INPP5A: variants seen among roughly 807,000 people sequenced by gnomAD.
INPP5A encodes the protein inositol polyphosphate-5-phosphatase A.
Under a neutral mutation model 65.2 loss-of-function variants are expected in INPP5A, and 14 were observed. The observed-to-expected ratio is 0.21, with a 90% CI of 0.14 to 0.34. The LOEUF (loss-of-function observed/expected upper bound fraction) is 0.34, where lower values mean the gene tolerates loss of function less well. INPP5A is among the 10% of genes least tolerant of loss of function. The probability of loss-of-function intolerance (pLI) is 1.00; values close to 1 mark genes in which losing one functional copy is unlikely to be tolerated. For missense variants in INPP5A, 431 were observed against 545.6 expected (o/e 0.79, Z 2.09); for synonymous variants, 207 against 208.3 (o/e 0.99, Z 0.05).
chr10:132,680,623 C>T (rs1199109577), intron 4 of INPP5A, among the ~76,000 whole-genome samples: 1 of 152,244 alleles, frequency 6.6e-6, no homozygotes, highest in Non-Finnish European at 1.5e-5. Context: ...CTGGCCAAGG[C>T]CAGAGCCGAC....
At chr10:132,638,297 C>G (rs1279404336) in intron 2 of INPP5A, among the ~76,000 whole-genome samples, 1 of 152,216 alleles carries the variant, frequency 6.6e-6, no homozygotes, top group Admixed American at 6.5e-5. Context: ...CAAGTCTCGC[C>G]TTGTGTTCCA....
chr10:132,581,333 TGA>T (rs1300132183), intron 1 of INPP5A, among the ~76,000 whole-genome samples: 1 of 152,240 alleles, frequency 6.6e-6, no homozygotes, highest in African/African-American at 2.4e-5. Flanking sequence ...TTAATTATGA[TGA>T]GCAAAGACTC....
At chr10:132,666,145 AC>A (rs2072798916) in intron 4 of INPP5A, among the ~76,000 whole-genome samples, 1 of 146,656 alleles carries the variant, frequency 6.8e-6, no homozygotes, top group Admixed American at 6.9e-5. Flanking sequence ...CCTGGCCTTT[AC>A]TCAGCGCTTC....
intron 1 of INPP5A, among the ~76,000 whole-genome samples, chr10:132,557,304 G>A (rs2071139557): frequency 6.6e-6 from 1 of 152,248 alleles, no homozygotes; most frequent in African/African-American, 2.4e-5. Context: ...TAGGCCACGG[G>A]TCACAGTGCT....
chr10:132,568,633 C>T (rs1197152135), intron 1 of INPP5A, among the ~76,000 whole-genome samples: 5 of 151,862 alleles, frequency 3.3e-5, no homozygotes, highest in South Asian at 2.1e-4. Flanking sequence ...GTTGGGCACC[C>T]GTAATATCAG....
chr10:132,712,719 G>A (rs1322079488), intron 8 of INPP5A, among the ~76,000 whole-genome samples: 1 of 149,268 alleles, frequency 6.7e-6, no homozygotes, highest in Non-Finnish European at 1.5e-5. Context: ...TGTGAGTGCA[G>A]GTGTATGCAT....
At chr10:132,702,805 C>T (rs1845457823) in intron 6 of INPP5A, among the ~76,000 whole-genome samples, 1 of 152,236 alleles carries the variant, frequency 6.6e-6, no homozygotes. Flanking sequence ...AGGACTGAGA[C>T]CCATGGGCTG....
At position 132,678,930 on chromosome 10, in the gene INPP5A, C is replaced by T. The variant is rs917544063; in HGVS notation, c.307-11462C>T. 3.3e-5 allele frequency among the ~76,000 whole-genome samples: 5 copies of T among 152,168 alleles called. No homozygotes were observed. The highest frequency in any genetic ancestry group is 6.5e-5 in the Admixed American group (1 of 15,280). ...CAGAGGTACCCTCCTGACAGAAGGGCGCAGCCTCCTCAGGCCCAGATGGCC... is the reference window on the plus strand; with the variant it reads ...CAGAGGTACCCTCCTGACAGAAGGGTGCAGCCTCCTCAGGCCCAGATGGCC... On this transcript the variant is annotated intron_variant, in intron 4 of 15. Transcript: ENST00000368594. This position sits in a 1 kb window ranked among gnomAD's most constrained non-coding sequence, Gnocchi z 4.1.
At chr10:132,594,392 G>A (rs1041585049) in intron 1 of INPP5A, among the ~76,000 whole-genome samples, 1 of 151,586 alleles carries the variant, frequency 6.6e-6, no homozygotes, top group Non-Finnish European at 1.5e-5. Context: ...GACTTCCTGC[G>A]TCGGTGGAAA....
At chr10:132,610,367 G>A (rs1335863691) in intron 2 of INPP5A, among the ~76,000 whole-genome samples, 1 of 152,154 alleles carries the variant, frequency 6.6e-6, no homozygotes, top group African/African-American at 2.4e-5. Flanking sequence ...TGGGGGTGGG[G>A]GGTGGGGGGC....
chr10:132,663,503 G>A lies in INPP5A; in HGVS notation c.306+12998G>A, dbSNP rs1166689254. Among the ~76,000 whole-genome samples, 3 of 152,218 alleles carry A rather than the reference G, an allele frequency of 2.0e-5. No homozygotes were observed. Among genetic ancestry groups the A allele is most frequent in the Non-Finnish European group, 4.4e-5 (3 of 68,042 alleles). ...CTCAAAGTGCTGGGATTACAGGTGCGAACCACTGTGCCCTGCCAAAAAGAC... is the reference window on the plus strand; with the variant it reads ...CTCAAAGTGCTGGGATTACAGGTGCAAACCACTGTGCCCTGCCAAAAAGAC... On this transcript the variant is annotated intron_variant, in intron 4 of 15. Transcript: ENST00000368594. The surrounding 1 kb of genome is among the most constrained non-coding windows in gnomAD (Gnocchi z 4.5).
intron 4 of INPP5A, among the ~76,000 whole-genome samples, chr10:132,671,087 T>C (rs1226398519): frequency 6.6e-6 from 1 of 152,044 alleles, no homozygotes; most frequent in African/African-American, 2.4e-5. Context: ...GGTCTCTCTT[T>C]CATATTGTTG....
intron 12 of INPP5A, among the ~76,000 whole-genome samples, chr10:132,769,805 C>G (rs982177228): frequency 1.1e-4 from 11 of 98,184 alleles, no homozygotes; most frequent in African/African-American, 2.1e-4. Flanking sequence ...GTAGCTCCCC[C>G]CCCCCAAGTT....
In INPP5A at chr10:132,603,364, C is replaced by T. The variant is rs141624593; in HGVS notation, c.76-4551C>T. On this transcript the variant is annotated intron_variant, in intron 1 of 15. Transcript: ENST00000368594. This position sits in a 1 kb window ranked among gnomAD's most constrained non-coding sequence, Gnocchi z 4.2. ...TCAGAATATGCACTATAGAAAATTA[C>T]AGATCACTCCAGCTCCCACTACCCA... 1.3e-3 allele frequency among the ~76,000 whole-genome samples: 205 copies of T among 152,288 alleles called. No individual in the cohort carries two copies. The highest frequency in any genetic ancestry group is 1.4e-3 in the Non-Finnish European group (98 of 68,026).
intron 2 of INPP5A, among the ~76,000 whole-genome samples, chr10:132,640,277 T>C (rs1259011258): frequency 6.6e-6 from 1 of 152,226 alleles, no homozygotes; most frequent in African/African-American, 2.4e-5. Flanking sequence ...GCTCAGAGCC[T>C]CTGCTCGCTC....
chr10:132,777,825 A>T, intron 13 of INPP5A, 43 bp downstream of exon 13: 1 of 1,600,030 alleles, frequency 6.2e-7, no homozygotes, highest in East Asian at 2.3e-5. Flanking sequence ...AGGGATGTGG[A>T]GCGCTGGGTC....
intron 2 of INPP5A, among the ~76,000 whole-genome samples, chr10:132,643,546 T>G (rs1486277671): frequency 6.6e-6 from 1 of 152,160 alleles, no homozygotes; most frequent in Non-Finnish European, 1.5e-5. Flanking sequence ...CCTATAAGTG[T>G]AATAAATATG....
chr10:132,569,002 G>A (rs928408873), intron 1 of INPP5A, among the ~76,000 whole-genome samples: 3 of 137,136 alleles, frequency 2.2e-5, no homozygotes, highest in Non-Finnish European at 1.5e-5. Context: ...CACAACCTCC[G>A]CCTCTTGGAT....
intron 8 of INPP5A, among the ~76,000 whole-genome samples, chr10:132,722,240 A>T (rs1330790984): frequency 6.6e-6 from 1 of 152,212 alleles, no homozygotes; most frequent in Non-Finnish European, 1.5e-5. Flanking sequence ...GCCTTTAAAA[A>T]TACAGTGCCA....
Sources: allele counts gnomAD v4.1 joint callset (sites outside exome capture counted in the v4.1 genomes callset), GRCh38; gene constraint gnomAD v4.1.1; non-coding constraint Gnocchi (gnomAD v3.1); transcripts MANE v1.5; gene names NCBI Gene and HGNC (gene_info 2026-07-23, HGNC 2026-07-21).